Variants in DNAI7 observed in about 807,000 individuals in gnomAD.
The protein encoded by DNAI7 is dynein axonemal intermediate chain 7, also known as cancer susceptibility 1.
Under a neutral mutation model 86.6 loss-of-function variants are expected in DNAI7, and 78 were observed. The observed-to-expected ratio is 0.90, with a 90% CI of 0.75 to 1.09. DNAI7 has a LOEUF of 1.09. Among genes scored for constraint, DNAI7 ranks in the 50% least tolerant of loss-of-function variants. The probability of loss-of-function intolerance (pLI) is 0.00; values close to 1 mark genes in which losing one functional copy is unlikely to be tolerated. For synonymous variants in DNAI7, 274 were observed against 273.0 expected (o/e 1.00, Z -0.04); for missense variants, 753 against 810.2 (o/e 0.93, Z 0.86).
At chr12:25,112,926 A>G (rs1315754940) in intron 13 of DNAI7, among the ~76,000 whole-genome samples, 2 of 152,196 alleles carry the variant, frequency 1.3e-5, no homozygotes, top group African/African-American at 4.8e-5. Context: ...CACATTAGAC[A>G]GCACAGATCT....
chr12:25,146,599 C>CAAA (rs55857702), intron 8 of DNAI7, among the ~76,000 whole-genome samples: 9 of 140,398 alleles, frequency 6.4e-5, no homozygotes, highest in Non-Finnish European at 6.2e-5. Flanking sequence ...GACTGTGTCT[C>CAAA]AAAAAAAAAA....
rs867370712 is a variant in DNAI7 at position 25,171,404 on chromosome 12, C to A, written c.22-10207G>T. ...TGGATAAACTCCTGGAAAAATACAA[C>A]CCTCCTACCTTAAATCAGCAAGAAT... On this transcript the variant is annotated intron_variant, in intron 2 of 15. Transcript: ENST00000395987. Among the ~76,000 whole-genome samples the A allele has an allele frequency of 8.5e-5, 13 of 152,154 alleles. 2 individuals carry two copies. The Middle Eastern group carries it at 0.031, about 358-fold the overall frequency.
intron 2 of DNAI7, among the ~76,000 whole-genome samples, chr12:25,187,058 C>A (rs1950099563): frequency 6.6e-6 from 1 of 152,146 alleles, no homozygotes; most frequent in African/African-American, 2.4e-5. Context: ...TCAGATCATG[C>A]CACTTTTCTG....
At chr12:25,169,512 G>A (rs1947889823) in intron 2 of DNAI7, among the ~76,000 whole-genome samples, 1 of 152,176 alleles carries the variant, frequency 6.6e-6, no homozygotes, top group South Asian at 2.1e-4. Flanking sequence ...ACGGACGAGA[G>A]TGAAACTAAC....
chr12:25,136,583 G>C (rs773417322), intron 9 of DNAI7, among the ~76,000 whole-genome samples: 16 of 152,134 alleles, frequency 1.1e-4, no homozygotes, highest in Non-Finnish European at 1.9e-4. Flanking sequence ...GCCACAAAAA[G>C]AATTCAGAAG....
chr12:25,159,153 T>C (rs928380191), intron 3 of DNAI7, among the ~76,000 whole-genome samples: 17 of 152,188 alleles, frequency 1.1e-4, no homozygotes, highest in African/African-American at 4.1e-4. Flanking sequence ...TTGTCTCTTC[T>C]TTGCTTCTTG....
intron 2 of DNAI7, among the ~76,000 whole-genome samples, chr12:25,183,282 T>C (rs1949733272): frequency 6.6e-6 from 1 of 151,852 alleles, no homozygotes; most frequent in Admixed American, 6.6e-5. Flanking sequence ...TGGGACTAAG[T>C]TCACTATTTG....
intron 9 of DNAI7, among the ~76,000 whole-genome samples, chr12:25,137,268 G>T (rs946587558): frequency 1.3e-5 from 2 of 152,134 alleles, no homozygotes; most frequent in Non-Finnish European, 2.9e-5. Context: ...CAAGAATTTT[G>T]TATCCAGCAA....
chr12:25,167,956 A>G (rs920885080), intron 2 of DNAI7, among the ~76,000 whole-genome samples: 3 of 151,940 alleles, frequency 2.0e-5, no homozygotes, highest in African/African-American at 7.3e-5. Flanking sequence ...TTTACTCTTC[A>G]TCTCCAAAGC....
At chr12:25,140,942 C>T (rs911308056) in intron 9 of DNAI7, among the ~76,000 whole-genome samples, 1 of 151,988 alleles carries the variant, frequency 6.6e-6, no homozygotes, top group Non-Finnish European at 1.5e-5. Flanking sequence ...ACAAAGCAAA[C>T]AAAAACATAA....
In DNAI7 at chr12:25,147,109, A is replaced by C; in HGVS notation, c.586-5T>G. 6.8e-7 allele frequency: 1 copy of C among 1,475,540 alleles called. No homozygotes were observed. The highest frequency in any genetic ancestry group is 9.5e-7 in the Non-Finnish European group (1 of 1,057,854). The allele number at this position is 1,475,540 out of a possible 1,614,324, so 91.4% of individuals were successfully genotyped here. On this transcript the variant is annotated splice_polypyrimidine_tract_variant and splice_region_variant and intron_variant, in intron 7 of 15. Transcript: ENST00000395987. ...ATCTGCCAAAGTACTAGCTTGCTGT[A>C]AGAGAAAAAGAAAACATTATAAAGG...
At chr12:25,191,378 A>G (rs989612225) in intron 1 of DNAI7, among the ~76,000 whole-genome samples, 10 of 152,152 alleles carry the variant, frequency 6.6e-5, no homozygotes, top group African/African-American at 2.4e-4. Flanking sequence ...TGGGCAGCCA[A>G]GCGAGACCGC....
chr12:25,151,918 A>G (rs866658208), intron 6 of DNAI7, among the ~76,000 whole-genome samples: 1 of 152,224 alleles, frequency 6.6e-6, no homozygotes, highest in South Asian at 2.1e-4. Flanking sequence ...GACAACATGA[A>G]GAAGTTAAAC....
intron 2 of DNAI7, among the ~76,000 whole-genome samples, chr12:25,174,606 TATATATATCATATATATGGG>T (rs1312242008): frequency 4.1e-5 from 5 of 123,376 alleles, no homozygotes; most frequent in African/African-American, 9.6e-5. Context: ...ATATATATGA[TATATATATCATATATATGGG>T]ATATATATCA....
At chr12:25,128,528 C>T (rs1433945304) in intron 9 of DNAI7, among the ~76,000 whole-genome samples, 1 of 152,150 alleles carries the variant, frequency 6.6e-6, no homozygotes, top group Non-Finnish European at 1.5e-5. Flanking sequence ...TCTGACTTTC[C>T]TCTGAACTCC....
rs755832006 is a variant in DNAI7 at position 25,144,562 on chromosome 12, G to A, written c.805C>T (p.Leu269=). 1 of 1,614,122 alleles carries A rather than the reference G, an allele frequency of 6.2e-7. No homozygotes were observed. Among genetic ancestry groups the A allele is most frequent in the Admixed American group, 1.7e-5 (1 of 60,018 alleles). ...LHTHYDHVSA[L]HPVSTPSKEY... is the part of the protein sequence containing the mutation. Reference sequence around the variant, plus strand: ...TTTGATGGTGTTGAAACAGGGTGCAGTGCAGAAACATGATCATAGTGGGTA... The same window carrying A: ...TTTGATGGTGTTGAAACAGGGTGCAATGCAGAAACATGATCATAGTGGGTA... The change falls in exon 9 of 16, where the codon CTG becomes TTG. Residue 269 remains leucine (L), a synonymous_variant. Coordinates refer to ENST00000395987, the MANE Select transcript of DNAI7 (RefSeq NM_018272.5).
intron 4 of DNAI7, among the ~76,000 whole-genome samples, chr12:25,156,610 G>A (rs921659809): frequency 4.0e-5 from 6 of 150,596 alleles, no homozygotes; most frequent in Admixed American, 2.0e-4. Context: ...GCGCGGTGGC[G>A]GGTGCCTGTA....
chr12:25,109,409 G>A (rs1307150798), intron 15 of DNAI7, among the ~76,000 whole-genome samples: 2 of 148,918 alleles, frequency 1.3e-5, no homozygotes, highest in Non-Finnish European at 3.0e-5. Context: ...TTTAAGAGAT[G>A]GGGGTCTCAC....
chr12:25,107,259 T>C (rs532897313), downstream of DNAI7, among the ~76,000 whole-genome samples: 8 of 152,318 alleles, frequency 5.3e-5, no homozygotes, highest in East Asian at 1.5e-3. Flanking sequence ...TTTACTGTAA[T>C]ATATGTTATA....
Sources: allele counts gnomAD v4.1 joint callset (sites outside exome capture counted in the v4.1 genomes callset), GRCh38; gene constraint gnomAD v4.1.1; transcripts MANE v1.5; gene names NCBI Gene and HGNC (gene_info 2026-07-23, HGNC 2026-07-21).